The following GTF3C2 variants were observed in gnomAD, a reference collection of about 807,000 sequenced individuals.
GTF3C2 encodes the protein general transcription factor IIIC subunit 2.
In GTF3C2, 17 loss-of-function variants were observed where a neutral mutation model predicts 117.4. The observed-to-expected ratio is 0.14, with a 90% CI of 0.10 to 0.22. The LOEUF (loss-of-function observed/expected upper bound fraction) is 0.22, where lower values mean the gene tolerates loss of function less well. Among genes scored for constraint, GTF3C2 ranks in the 10% least tolerant of loss-of-function variants. The probability of loss-of-function intolerance (pLI) is 1.00; values close to 1 mark genes in which losing one functional copy is unlikely to be tolerated. For missense variants in GTF3C2, 888 were observed against 1,143.6 expected, an observed-to-expected ratio of 0.78 and a Z score of 3.22; for synonymous variants, 437 against 427.0, an observed-to-expected ratio of 1.02 and a Z score of -0.29.
chr2:27,336,722 C>A (rs1213575085), intron 7 of GTF3C2: 2 of 343,016 alleles, frequency 5.8e-6, no homozygotes, highest in Non-Finnish European at 1.1e-5. Context: ...GGTTATCCCA[C>A]CTCAGCCTCT....
At chr2:27,336,141 G>C in intron 8 of GTF3C2, 57 bp downstream of exon 8, 3 of 1,452,284 alleles carry the variant, frequency 2.1e-6, no homozygotes, top group Non-Finnish European at 2.9e-6. Context: ...ATCCTGTCCA[G>C]ACCCCATCCT....
intron 3 of GTF3C2, 41 bp from the exon 4 acceptor site, chr2:27,342,274 C>A (rs775621481): frequency 6.5e-7 from 1 of 1,532,998 alleles, no homozygotes; most frequent in Non-Finnish European, 8.9e-7. Context: ...TCACATATGA[C>A]TGAGAACCCA....
exon 19 of GTF3C2, chr2:27,326,714 G>A: frequency 6.2e-7 from 1 of 1,614,144 alleles, no homozygotes. Flanking sequence ...TTGGAGAGAA[G>A]CCAGGCCGTC....
chr2:27,342,017 G>A (rs1259608693), exon 4 of GTF3C2: 2 of 1,614,070 alleles, frequency 1.2e-6, no homozygotes, highest in Admixed American at 3.3e-5. Context: ...TCTCACTTGG[G>A]CCCTCACTTT....
chr2:27,337,823 C>A (rs924286360), intron 5 of GTF3C2, 103 bp downstream of exon 5: 3 of 771,782 alleles, frequency 3.9e-6, no homozygotes, highest in African/African-American at 1.7e-5. Flanking sequence ...TCACGGTATT[C>A]CACCCATGAG....
chr2:27,351,310 A>C (rs911093721), intron 1 of GTF3C2, among the ~76,000 whole-genome samples: 1 of 152,118 alleles, frequency 6.6e-6, no homozygotes, highest in Admixed American at 6.6e-5. Flanking sequence ...GCTACTCAGG[A>C]GGCTGAGGCA....
At chr2:27,347,694 C>T (rs904924363) in intron 1 of GTF3C2, among the ~76,000 whole-genome samples, 8 of 152,170 alleles carry the variant, frequency 5.3e-5, no homozygotes, top group Admixed American at 3.9e-4. Flanking sequence ...ATTGTGAAAT[C>T]CAAGAGCTAG....
Position 27,337,918 on chromosome 2 carries a change from A to G in GTF3C2, c.950+8T>C, listed in dbSNP as rs1352044272. 3 of 1,538,040 alleles carry G rather than the reference A, an allele frequency of 2.0e-6. No individual in the cohort carries two copies. The highest frequency in any genetic ancestry group is 1.8e-6 in the Non-Finnish European group (2 of 1,110,500). ...TATTAACCCCAGCCCCCTGTCCCCA[A>G]GTCTCACAAGTCCTTGGTGAGATGG... is the stretch of plus-strand genomic sequence containing the variant. On this transcript the variant is annotated splice_region_variant and intron_variant, in intron 5 of 18. Coordinates refer to ENST00000264720, the Ensembl canonical transcript of GTF3C2.
intron 4 of GTF3C2, chr2:27,340,007 A>AG (rs1373652565): frequency 7.3e-6 from 1 of 136,088 alleles, no homozygotes; most frequent in Non-Finnish European, 1.6e-5. Context: ...AAAAAAAAAA[A>AG]GGGAAAAAAG....
chr2:27,346,327 T>G, intron 1 of GTF3C2, among the ~76,000 whole-genome samples: 1 of 134,364 alleles, frequency 7.4e-6, no homozygotes, highest in East Asian at 2.3e-4. Context: ...CCCATTCTGA[T>G]ACCTTTTTTT....
intron 12 of GTF3C2, among the ~76,000 whole-genome samples, chr2:27,333,327 A>AT (rs985933707): frequency 2.2e-4 from 33 of 150,800 alleles, no homozygotes; most frequent in African/African-American, 7.5e-4. Context: ...AATTTTTTGT[A>AT]TTTTTTTGGT....
exon 18 of GTF3C2, chr2:27,327,265 A>G: frequency 6.3e-7 from 1 of 1,598,206 alleles, no homozygotes; most frequent in Non-Finnish European, 8.6e-7. Context: ...TTCTCTACGG[A>G]GCAGATCATG....
At chr2:27,331,729 A>G (rs1401178437) in intron 12 of GTF3C2, among the ~76,000 whole-genome samples, 1 of 151,994 alleles carries the variant, frequency 6.6e-6, no homozygotes, top group Non-Finnish European at 1.5e-5. Context: ...CTTTGAGCTC[A>G]GGAGGTGAAG....
At position 27,328,124 on chromosome 2, in the gene GTF3C2, A is replaced by G. The variant is rs369986940; in HGVS notation, c.2322T>C (p.Ala774=). 5.0e-6 allele frequency: 8 copies of G among 1,609,184 alleles called. No homozygotes were observed. The African/African-American group carries it at 1.1e-4, about 22-fold the overall frequency. ...TAGGAGGGTTGGGGACCCCAGATGA[A>G]GCAGAAGAATGGTCTGGACCTTCAG... is the stretch of plus-strand genomic sequence containing the variant. The change falls in exon 17 of 19, where the codon GCT becomes GCC. Residue 774 remains alanine, a synonymous_variant. Transcript: ENST00000264720.
chr2:27,331,451 G>A (rs890912185), intron 12 of GTF3C2, among the ~76,000 whole-genome samples: 1 of 152,076 alleles, frequency 6.6e-6, no homozygotes, highest in Non-Finnish European at 1.5e-5. Context: ...TCAGCCTCCT[G>A]AGTAGCTGGG....
At chr2:27,327,051 C>A in intron 18 of GTF3C2, 126 bp downstream of exon 18, 2 of 672,970 alleles carry the variant, frequency 3.0e-6, no homozygotes, top group Non-Finnish European at 2.6e-6. Flanking sequence ...GAATGAGGTA[C>A]GTCTGTCATG....
chr2:27,351,395 C>CA (rs1558624633), intron 1 of GTF3C2, among the ~76,000 whole-genome samples: 1 of 152,282 alleles, frequency 6.6e-6, no homozygotes, highest in South Asian at 2.1e-4. Context: ...GCCTGGGTGA[C>CA]AGAGTGAGAC....
chr2:27,333,966 T>C lies in GTF3C2; in HGVS notation c.1602+8A>G. The C allele has an allele frequency of 6.2e-7, 1 of 1,602,716 alleles. No homozygotes were observed. The highest frequency in any genetic ancestry group is 8.5e-7 in the Non-Finnish European group (1 of 1,169,748). The stretch of plus-strand genomic sequence containing the variant: ...AGCCTCAGCTAAGGTAGCAGGTTCC[T>C]CACTCACCTTATATATGGCAGGCTT... On this transcript the variant is annotated splice_region_variant and intron_variant, in intron 11 of 18. Coordinates refer to ENST00000264720, the Ensembl canonical transcript of GTF3C2.
At chr2:27,352,827 C>G (rs1435603422) in intron 1 of GTF3C2, among the ~76,000 whole-genome samples, 5 of 152,138 alleles carry the variant, frequency 3.3e-5, no homozygotes, top group Admixed American at 2.0e-4. Flanking sequence ...ATTTCTCAGC[C>G]TCATTCAAGT....
Sources: allele counts gnomAD v4.1 joint callset (sites outside exome capture counted in the v4.1 genomes callset), GRCh38; gene constraint gnomAD v4.1.1; transcripts MANE v1.5; gene names NCBI Gene and HGNC (gene_info 2026-07-23, HGNC 2026-07-21).